STXBP5: variants seen among roughly 807,000 people sequenced by gnomAD.
The protein encoded by STXBP5 is syntaxin binding protein 5.
STXBP5 carries 50 observed loss-of-function variants against 152.4 expected under a neutral mutation model. The ratio of observed to expected loss-of-function variants is 0.33; its 90% CI spans 0.26 to 0.42. STXBP5 has a LOEUF of 0.42. STXBP5 is among the 10% of genes least tolerant of loss of function. STXBP5 has a pLI of 1.00. For synonymous variants in STXBP5, 492 were observed against 494.7 expected, an observed-to-expected ratio of 0.99 and a Z score of 0.07; for missense variants, 1,167 against 1,388.6, an observed-to-expected ratio of 0.84 and a Z score of 2.54.
intron 22 of STXBP5, among the ~76,000 whole-genome samples, chr6:147,358,303 C>CA (rs1784900375): frequency 6.6e-6 from 1 of 151,828 alleles, no homozygotes; most frequent in Non-Finnish European, 1.5e-5. Flanking sequence ...GGAAAAGACT[C>CA]ACATTTGTCA....
In STXBP5 at chr6:147,387,776, G is replaced by A. The variant is rs1786411187; in HGVS notation, c.*3021G>A. 1 of 151,298 alleles carries A rather than the reference G, an allele frequency of 6.6e-6. No homozygotes were observed. The highest frequency in any genetic ancestry group is 6.6e-5 in the Admixed American group (1 of 15,172). The allele number at this position is 151,298 out of a possible 1,614,324, so 9.4% of individuals were successfully genotyped here. A position where few individuals can be genotyped will look rare whatever the true frequency, so the allele number is the denominator to read the frequency against. On this transcript the variant is annotated 3_prime_UTR_variant, in exon 28 of 28. Coordinates refer to ENST00000321680, the MANE Select transcript of STXBP5 (RefSeq NM_001127715.4). ...ATTTAATTAAGTACAATAGTTTAAA[G>A]AACGAAGCAATTTTTTTTTTTTTGG...
chr6:147,325,702 G>T (rs371158098), intron 17 of STXBP5, among the ~76,000 whole-genome samples: 16 of 152,186 alleles, frequency 1.1e-4, no homozygotes, highest in South Asian at 4.1e-4. Flanking sequence ...TAACTGTTCA[G>T]TCCCAGAGCT....
chr6:147,363,750 C>A (rs754474452), intron 24 of STXBP5, 46 bp downstream of exon 24: 3 of 1,550,786 alleles, frequency 1.9e-6, no homozygotes, highest in South Asian at 1.3e-5. Flanking sequence ...CATTTCCTCC[C>A]TCAAACTATA....
At chr6:147,346,599 G>A (rs191696159) in intron 21 of STXBP5, among the ~76,000 whole-genome samples, 2 of 152,136 alleles carry the variant, frequency 1.3e-5, no homozygotes, top group Admixed American at 6.5e-5. Flanking sequence ...AATTAGCCAG[G>A]CATGGTGGCG....
At chr6:147,374,968 G>A (rs904953124) in intron 26 of STXBP5, among the ~76,000 whole-genome samples, 2 of 152,206 alleles carry the variant, frequency 1.3e-5, no homozygotes, top group Admixed American at 6.5e-5. Context: ...AAAATCTTCA[G>A]TGCTAATTGT....
chr6:147,286,378 A>G (rs1252892671), intron 8 of STXBP5, among the ~76,000 whole-genome samples: 1 of 152,196 alleles, frequency 6.6e-6, no homozygotes, highest in Non-Finnish European at 1.5e-5. Flanking sequence ...GTACAAGTAT[A>G]TATTTATAAA....
At position 147,223,987 on chromosome 6, in the gene STXBP5, GTT is replaced by G. The variant is rs148317490; in HGVS notation, c.249-11262_249-11261del. 1.5e-3 allele frequency among the ~76,000 whole-genome samples: 227 copies of G among 152,332 alleles called. 2 individuals are homozygous for G. In the East Asian group the frequency reaches 0.042, roughly 28 times the overall value. On this transcript the variant is annotated intron_variant, in intron 2 of 27. Transcript: ENST00000321680. ...CCTTTGGAGACAGGGCTGTGAAACT[GTT>G]ACGTGAAATATTTGGAAAGGAACTG...
intron 22 of STXBP5, among the ~76,000 whole-genome samples, chr6:147,358,748 A>G (rs939738433): frequency 2.0e-5 from 3 of 152,182 alleles, no homozygotes; most frequent in South Asian, 2.1e-4. Flanking sequence ...TAAGAAAATC[A>G]TAAGGAAGAG....
Position 147,388,634 on chromosome 6 carries a change from C to A in STXBP5, c.*3879C>A, listed in dbSNP as rs1409663838. 1 of 151,110 alleles carries A rather than the reference C, an allele frequency of 6.6e-6. No individual in the cohort carries two copies. Among genetic ancestry groups the A allele is most frequent in the Non-Finnish European group, 1.5e-5 (1 of 67,482 alleles). 9.4% of individuals were successfully genotyped at this position (151,110 alleles called of 1,614,324 possible). On this transcript the variant is annotated 3_prime_UTR_variant, in exon 28 of 28. Transcript: ENST00000321680. ...AAAAAATCATACATCATTTAAAAAT[C>A]TTCACACATGAACAGGAAAGATATC... is the stretch of plus-strand genomic sequence containing the variant.
intron 21 of STXBP5, among the ~76,000 whole-genome samples, chr6:147,340,658 G>T (rs1305548521): frequency 6.6e-6 from 1 of 151,968 alleles, no homozygotes; most frequent in Non-Finnish European, 1.5e-5. Flanking sequence ...ATTTTACCTT[G>T]CATGAAAGGG....
At chr6:147,346,369 C>T (rs1346523937) in intron 21 of STXBP5, among the ~76,000 whole-genome samples, 4 of 152,172 alleles carry the variant, frequency 2.6e-5, no homozygotes, top group African/African-American at 7.2e-5. Flanking sequence ...GGGTCTACTT[C>T]TTGTAGTGGT....
intron 2 of STXBP5, among the ~76,000 whole-genome samples, chr6:147,211,579 G>A (rs1341533209): frequency 6.6e-6 from 1 of 152,018 alleles, no homozygotes; most frequent in Non-Finnish European, 1.5e-5. Flanking sequence ...TTAGAATTTA[G>A]CCAGTGTGTT....
intron 25 of STXBP5, among the ~76,000 whole-genome samples, chr6:147,371,866 C>T (rs113260135): frequency 2.6e-4 from 39 of 152,214 alleles, no homozygotes; most frequent in African/African-American, 8.7e-4. Flanking sequence ...TAGCATGAGA[C>T]ACCCAAATGA....
intron 16 of STXBP5, among the ~76,000 whole-genome samples, chr6:147,321,144 A>AT (rs1306455654): frequency 1.3e-5 from 2 of 152,000 alleles, no homozygotes; most frequent in African/African-American, 4.8e-5. Context: ...CTTATACCTC[A>AT]TTTTTTTCTT....
chr6:147,205,382 A>G (rs919238517), intron 1 of STXBP5, among the ~76,000 whole-genome samples: 1 of 150,424 alleles, frequency 6.6e-6, no homozygotes, highest in East Asian at 1.9e-4. Context: ...ATATATATAT[A>G]TATATATATA....
At chr6:147,241,602 C>G (rs1216626097) in intron 4 of STXBP5, among the ~76,000 whole-genome samples, 4 of 152,012 alleles carry the variant, frequency 2.6e-5, no homozygotes, top group Non-Finnish European at 4.4e-5. Context: ...AGCTGAAATA[C>G]TCCTATAGAT....
intron 19 of STXBP5, among the ~76,000 whole-genome samples, chr6:147,334,988 T>G (rs1255306111): frequency 6.6e-6 from 1 of 152,142 alleles, no homozygotes; most frequent in Non-Finnish European, 1.5e-5. Flanking sequence ...AAGGGTATTT[T>G]GTTTTACTCC....
At chr6:147,250,107 A>G (rs573163338) in intron 4 of STXBP5, among the ~76,000 whole-genome samples, 4 of 152,334 alleles carry the variant, frequency 2.6e-5, no homozygotes, top group South Asian at 4.1e-4. Context: ...AGGAAGCTGT[A>G]GCCAGAAGCA....
chr6:147,316,082 T>C (rs1782629171), intron 15 of STXBP5, 147 bp from the exon 16 acceptor site: 1 of 800,704 alleles, frequency 1.2e-6, no homozygotes, highest in Non-Finnish European at 1.9e-6. Context: ...GCTAAATCCT[T>C]ATTTTTTGAA....
Sources: gnomAD v4.1 joint callset for allele counts (sites outside exome capture counted in the v4.1 genomes callset) on GRCh38, gnomAD v4.1.1 for gene constraint, MANE v1.5 for transcripts, NCBI Gene and HGNC (gene_info 2026-07-23, HGNC 2026-07-21) for gene names.